The following IARS1 variants were observed in gnomAD, a reference collection of about 807,000 sequenced individuals.
IARS1 encodes isoleucyl-tRNA synthetase 1.
In IARS1, 124 loss-of-function variants were observed where a neutral mutation model predicts 168.2. The observed-to-expected ratio is 0.74, with a 90% CI of 0.64 to 0.86. The LOEUF (loss-of-function observed/expected upper bound fraction) is 0.86, where lower values mean the gene tolerates loss of function less well. IARS1 is among the 40% of genes least tolerant of loss of function. The pLI is 0.00. For missense variants in IARS1, 1,452 were observed against 1,515.8 expected, an observed-to-expected ratio of 0.96 and a Z score of 0.70; for synonymous variants, 532 against 529.4, an observed-to-expected ratio of 1.00 and a Z score of -0.07.
intron 30 of IARS1, among the ~76,000 whole-genome samples, chr9:92,236,844 T>C (rs368077608): frequency 6.6e-6 from 1 of 152,232 alleles, no homozygotes; most frequent in South Asian, 2.1e-4. Context: ...AGCATCCAAG[T>C]TGTCAAACTT....
chr9:92,228,896 G>A, intron 31 of IARS1, 105 bp downstream of exon 31: 2 of 1,342,490 alleles, frequency 1.5e-6, no homozygotes, highest in African/African-American at 1.4e-5. Flanking sequence ...ACTCAAGAGA[G>A]TTAGGAAAAA....
intron 31 of IARS1, among the ~76,000 whole-genome samples, chr9:92,227,927 A>G (rs1826016194): frequency 6.6e-6 from 1 of 152,056 alleles, no homozygotes; most frequent in East Asian, 1.9e-4. Flanking sequence ...CACTTCCCAG[A>G]CGGGGTGGCG....
intron 21 of IARS1, among the ~76,000 whole-genome samples, chr9:92,252,627 C>T (rs1049228643): frequency 2.0e-5 from 3 of 151,600 alleles, no homozygotes; most frequent in Non-Finnish European, 4.4e-5. Context: ...ATTGGCCAGG[C>T]GTGGTGGTGC....
At chr9:92,235,497 T>C (rs1827351709) in intron 30 of IARS1, among the ~76,000 whole-genome samples, 1 of 150,956 alleles carries the variant, frequency 6.6e-6, no homozygotes, top group Non-Finnish European at 1.5e-5. Context: ...AGTCTGACAA[T>C]ACGATAATTA....
chr9:92,245,524 T>C (rs940879052), intron 26 of IARS1, among the ~76,000 whole-genome samples: 2 of 152,180 alleles, frequency 1.3e-5, no homozygotes, highest in Non-Finnish European at 2.9e-5. Flanking sequence ...GGGCAGTGTG[T>C]AGTACTGAGC....
In IARS1 at chr9:92,223,467, T is replaced by G. The variant is rs1442491967; in HGVS notation, c.3432A>C (p.Leu1144Phe). Reference protein sequence around the residue: ...DETEIQNQTDLLSLSGKTLCV... With the variant: ...DETEIQNQTDFLSLSGKTLCV... ...AAAGTGTTTTTCCACTAAGACTCAG[T>G]AAGTCAGTTTGGTTTTGTATTTCTA... The change falls in exon 32 of 34, where the codon TTA (leucine) becomes TTC (phenylalanine). Residue 1144 changes from leucine (L) to phenylalanine (F), a missense_variant. Physicochemically the swap from Leu to Phe is conservative, Grantham distance 22. Coordinates refer to ENST00000443024, the MANE Select transcript of IARS1 (RefSeq NM_002161.6). 2 of 1,613,034 alleles carry G rather than the reference T, an allele frequency of 1.2e-6. No homozygotes were observed.
intron 27 of IARS1, 67 bp from the exon 28 acceptor site, chr9:92,243,378 AAATGTTATTTAAATCTGGAGAGTCTAT>A: frequency 9.2e-7 from 1 of 1,086,182 alleles, no homozygotes; most frequent in Non-Finnish European, 1.4e-6. Flanking sequence ...CAACTCAGCA[AAATGTTATTTAAATCTGGAGAGTCTAT>A]AATGCAGCAC....
At chr9:92,271,496 G>A (rs1478766836) in intron 11 of IARS1, 37 bp downstream of exon 11, 2 of 1,610,896 alleles carry the variant, frequency 1.2e-6, no homozygotes, top group African/African-American at 1.3e-5. Context: ...CTAATCAGAA[G>A]TAACAGTCAC....
chr9:92,246,537 T>C (rs553631372), intron 26 of IARS1, among the ~76,000 whole-genome samples: 19 of 152,334 alleles, frequency 1.2e-4, no homozygotes, highest in Admixed American at 8.5e-4. Flanking sequence ...CATGTTTTTA[T>C]GTTACCCTAC....
chr9:92,276,265 A>C (rs1006657681), intron 9 of IARS1, among the ~76,000 whole-genome samples: 3 of 152,232 alleles, frequency 2.0e-5, no homozygotes, highest in African/African-American at 7.2e-5. Flanking sequence ...AAAAAAATAA[A>C]GACTTTTAAG....
In IARS1 at chr9:92,277,790, AC is replaced by A. The variant is rs1397405985; in HGVS notation, c.894+72del. Reference sequence around the variant, plus strand: ...CACTCATAAAAGTAATGTCAATTCCACTTCTCACAACACCCCAGCTATCAAA... The same window carrying A: ...CACTCATAAAAGTAATGTCAATTCCATTCTCACAACACCCCAGCTATCAAA... On this transcript the variant is annotated intron_variant, in intron 9 of 33. Coordinates refer to ENST00000443024, the MANE Select transcript of IARS1 (RefSeq NM_002161.6). 28 of 1,267,542 alleles carry A rather than the reference AC, an allele frequency of 2.2e-5. 1 individual carries two copies. Among genetic ancestry groups the A allele is most frequent in the Middle Eastern group, 3.7e-4 (2 of 5,340 alleles). The allele number at this position is 1,267,542 out of a possible 1,614,324, so 78.5% of individuals were successfully genotyped here. A position where few individuals can be genotyped will look rare whatever the true frequency, so the allele number is the denominator to read the frequency against.
intron 30 of IARS1, among the ~76,000 whole-genome samples, chr9:92,231,598 T>G (rs1206091235): frequency 6.6e-6 from 1 of 150,890 alleles, no homozygotes; most frequent in East Asian, 1.9e-4. Context: ...TTTGTTTTTT[T>G]TTTTTTTTTA....
At chr9:92,234,120 G>A (rs963971048) in intron 30 of IARS1, among the ~76,000 whole-genome samples, 2 of 152,014 alleles carry the variant, frequency 1.3e-5, no homozygotes, top group African/African-American at 4.8e-5. Flanking sequence ...TTGCCCACTT[G>A]TTCATTGCTA....
intron 33 of IARS1, among the ~76,000 whole-genome samples, chr9:92,213,799 A>G (rs145373675): frequency 2.1e-4 from 32 of 152,286 alleles, no homozygotes; most frequent in African/African-American, 7.0e-4. Context: ...GCCTTTGTGT[A>G]TGACTGGGAA....
intron 30 of IARS1, among the ~76,000 whole-genome samples, chr9:92,235,663 A>G (rs967346129): frequency 5.3e-5 from 8 of 151,246 alleles, no homozygotes; most frequent in Admixed American, 2.0e-4. Context: ...AGTAGCTGGG[A>G]TTACAGGCAC....
chr9:92,240,280 TGG>T, intron 30 of IARS1: 1 of 186,390 alleles, frequency 5.4e-6, no homozygotes, highest in Non-Finnish European at 1.1e-5. Context: ...TTTTTTTTTT[TGG>T]TGAGACAGTC....
rs1564180069 is a variant in IARS1, at chr9:92,268,284, G to T, written c.1321C>A (p.Arg441=). 7 of 1,609,832 alleles carry T rather than the reference G, an allele frequency of 4.3e-6. No individual in the cohort carries two copies. The highest frequency in any genetic ancestry group is 5.9e-6 in the Non-Finnish European group (7 of 1,178,942). Residue 441 remains arginine (R), a synonymous_variant, in exon 14 of 34, where the codon CGA becomes AGA. Coordinates refer to ENST00000443024, the MANE Select transcript of IARS1 (RefSeq NM_002161.6). The part of the protein sequence containing the change: ...DLCYWVPELV[R]EKRFGNWLKD... ...AGCCAATTTCCAAATCGTTTTTCTC[G>T]TACCAACTCTGGGACCCTGCAATAA...
chr9:92,242,175 G>C lies in IARS1; in HGVS notation c.3156C>G (p.Val1052=). The C allele has an allele frequency of 6.2e-7, 1 of 1,613,742 alleles. No individual in the cohort carries two copies. The highest frequency in any genetic ancestry group is 8.5e-7 in the Non-Finnish European group (1 of 1,179,812). The change falls in exon 29 of 34, where the codon GTC becomes GTG. Residue 1052 remains valine (V), a synonymous_variant. Transcript: ENST00000443024. ...TCACCTGTGTTTTTTCTTGAATAAG[G>C]ACTTTATCCGATGGAGAAACTGGAT... ...KPYPVSPSDK[V]LIQEKTQLKG...
chr9:92,232,825 C>G (rs1033163510), intron 30 of IARS1, among the ~76,000 whole-genome samples: 1 of 152,184 alleles, frequency 6.6e-6, no homozygotes, highest in African/African-American at 2.4e-5. Context: ...TCTATTAAAA[C>G]TGCTCAGGTC....
Sources: gnomAD v4.1 joint callset for allele counts (sites outside exome capture counted in the v4.1 genomes callset) on GRCh38, gnomAD v4.1.1 for gene constraint, MANE v1.5 for transcripts, NCBI Gene and HGNC (gene_info 2026-07-23, HGNC 2026-07-21) for gene names.